Variants in YEATS4 observed in about 807,000 individuals in gnomAD.
YEATS4 encodes YEATS domain-containing protein 4.
YEATS4 carries 17 observed loss-of-function variants against 30.1 expected under a neutral mutation model. That is an observed-to-expected ratio of 0.56 (90% confidence interval 0.39 to 0.85). YEATS4 has a LOEUF of 0.85. Ranked by LOEUF, YEATS4 falls within the 40% of genes least tolerant of loss-of-function variation. The probability of loss-of-function intolerance (pLI) is 0.00; values close to 1 mark genes in which losing one functional copy is unlikely to be tolerated. For missense variants in YEATS4, 142 were observed against 268.3 expected, an observed-to-expected ratio of 0.53 and a Z score of 3.29; for synonymous variants, 85 against 87.5, an observed-to-expected ratio of 0.97 and a Z score of 0.16.
chr12:69,370,031 T>C (rs1875580244), intron 4 of YEATS4, among the ~76,000 whole-genome samples: 6 of 152,156 alleles, frequency 3.9e-5, no homozygotes, highest in Admixed American at 3.9e-4. Context: ...CTTACAATTA[T>C]GCTAGCTAAC....
the YEATS4 span, among the ~76,000 whole-genome samples, chr12:69,408,989 G>A: frequency 3.9e-5 from 6 of 152,126 alleles, no homozygotes; most frequent in East Asian, 1.9e-4. Flanking sequence ...ACTGGATTTC[G>A]CTGAGGCTCG....
intron 2 of YEATS4, 38 bp downstream of exon 2, chr12:69,362,945 G>A: frequency 9.1e-7 from 1 of 1,104,930 alleles, no homozygotes; most frequent in Non-Finnish European, 1.2e-6. Flanking sequence ...TTTACTTAAA[G>A]TTGTCTGTAA....
At chr12:69,375,352 G>A (rs1226631463) in intron 6 of YEATS4, among the ~76,000 whole-genome samples, 48 of 150,060 alleles carry the variant, frequency 3.2e-4, no homozygotes, top group Non-Finnish European at 5.3e-4. Flanking sequence ...ATGGGCGGCC[G>A]GACAGAGACG....
chr12:69,390,382 G>T lies in YEATS4; in HGVS notation c.*66G>T. 7.1e-7 allele frequency: 1 copy of T among 1,405,404 alleles called. No individual in the cohort carries two copies. Among genetic ancestry groups the T allele is most frequent in the Middle Eastern group, 1.9e-4 (1 of 5,344 alleles). 87.1% of individuals were successfully genotyped at this position (1,405,404 alleles called of 1,614,324 possible). A position where few individuals can be genotyped will look rare whatever the true frequency, so the allele number is the denominator to read the frequency against. On this transcript the variant is annotated 3_prime_UTR_variant, in exon 7 of 7. Coordinates refer to ENST00000247843, the MANE Select transcript of YEATS4 (RefSeq NM_006530.4). ...TAAGGTGGGCTTCACTGGAGAAATG[G>T]ACTTACTGCAAATGCTGTGATGTTT...
intron 6 of YEATS4, among the ~76,000 whole-genome samples, chr12:69,375,786 C>T (rs1053431614): frequency 9.9e-5 from 15 of 152,070 alleles, no homozygotes; most frequent in African/African-American, 3.6e-4. Flanking sequence ...CCTGCAATCC[C>T]AGGCACTCGG....
At chr12:69,423,602 A>C in the YEATS4 span, among the ~76,000 whole-genome samples, 1 of 152,176 alleles carries the variant, frequency 6.6e-6, no homozygotes, top group Non-Finnish European at 1.5e-5. Flanking sequence ...GCAGATTAGG[A>C]GGGGGTGAAG....
rs1875272558 is a variant in YEATS4, at chr12:69,362,817, C to T, written c.81C>T (p.Tyr27=). 2.5e-6 allele frequency: 4 copies of T among 1,610,326 alleles called. No homozygotes were observed. Among genetic ancestry groups the T allele is most frequent in the Admixed American group, 1.7e-5 (1 of 59,868 alleles). ...KGVTIVKPIV[Y]GNVARYFGKK... ...TTACTATCGTTAAACCAATAGTTTA[C>T]GGTAATGTTGCTCGGTATTTTGGAA... The change falls in exon 2 of 7, where the codon TAC becomes TAT. Residue 27 remains tyrosine, a synonymous_variant. Coordinates refer to ENST00000247843, the MANE Select transcript of YEATS4 (RefSeq NM_006530.4).
chr12:69,375,508 G>C (rs1212196335), intron 6 of YEATS4, among the ~76,000 whole-genome samples: 12 of 152,168 alleles, frequency 7.9e-5, no homozygotes, highest in Non-Finnish European at 1.8e-4. Flanking sequence ...GGTGGCGGCC[G>C]GGCAGAGGCT....
chr12:69,378,119 T>C (rs1164504236), intron 6 of YEATS4, among the ~76,000 whole-genome samples: 1 of 152,242 alleles, frequency 6.6e-6, no homozygotes, highest in African/African-American at 2.4e-5. Context: ...TTTATAGTTT[T>C]TGTTGTGCAA....
At chr12:69,361,241 A>ATGTGTGTGTG (rs111618314) in intron 1 of YEATS4, 5 of 137,432 alleles carry the variant, frequency 3.6e-5, no homozygotes, top group African/African-American at 1.1e-4. Context: ...TAAAATACTT[A>ATGTGTGTGTG]TGTGTGTGTG....
the YEATS4 span, among the ~76,000 whole-genome samples, chr12:69,407,377 A>G: frequency 6.6e-6 from 1 of 152,200 alleles, no homozygotes; most frequent in African/African-American, 2.4e-5. Flanking sequence ...GGTGCTGAAT[A>G]CATATTAATT....
At chr12:69,393,922 G>A (rs167558), downstream of YEATS4, among the ~76,000 whole-genome samples, 4,927 of 152,274 alleles carry the variant, frequency 0.032, 272 homozygotes, top group African/African-American at 0.11. Context: ...TGATCTTACT[G>A]GATCAGCACA....
chr12:69,366,564 G>A (rs1038218580), intron 4 of YEATS4, among the ~76,000 whole-genome samples: 3 of 152,012 alleles, frequency 2.0e-5, no homozygotes, highest in African/African-American at 7.3e-5. Context: ...CCTTTTTCTA[G>A]TATTTTTTCT....
intron 6 of YEATS4, among the ~76,000 whole-genome samples, chr12:69,386,638 A>G (rs315115): frequency 0.059 from 9,003 of 152,206 alleles, 391 homozygotes; most frequent in African/African-American, 0.12. Context: ...TGTTTTTTAA[A>G]TTGATGTGGG....
At chr12:69,420,529 G>A in the YEATS4 span, among the ~76,000 whole-genome samples, 1 of 152,056 alleles carries the variant, frequency 6.6e-6, no homozygotes, top group Non-Finnish European at 1.5e-5. Flanking sequence ...AAGAACGTGA[G>A]GGAGAGACAG....
chr12:69,425,411 G>A, the YEATS4 span, among the ~76,000 whole-genome samples: 2 of 152,330 alleles, frequency 1.3e-5, no homozygotes, highest in African/African-American at 4.8e-5. Context: ...TTTTTCATGA[G>A]CTTCCCCAGA....
chr12:69,413,828 G>A, the YEATS4 span, among the ~76,000 whole-genome samples: 1 of 146,674 alleles, frequency 6.8e-6, no homozygotes, highest in Admixed American at 6.9e-5. Context: ...CTCAAGCCTG[G>A]AAAACAGAGC....
At chr12:69,425,534 A>T in the YEATS4 span, among the ~76,000 whole-genome samples, 1 of 152,086 alleles carries the variant, frequency 6.6e-6, no homozygotes, top group Middle Eastern at 3.2e-3. Flanking sequence ...ACACAGTGAG[A>T]GCTGTAGCAG....
chr12:69,398,269 G>T, the YEATS4 span, among the ~76,000 whole-genome samples: 1 of 151,968 alleles, frequency 6.6e-6, no homozygotes, highest in African/African-American at 2.4e-5. Flanking sequence ...ATCTCTATTT[G>T]GAGATGACAT....
Sources: gnomAD v4.1 joint callset for allele counts (sites outside exome capture counted in the v4.1 genomes callset) on GRCh38, gnomAD v4.1.1 for gene constraint, MANE v1.5 for transcripts, NCBI Gene and HGNC (gene_info 2026-07-23, HGNC 2026-07-21) for gene names.